Variants in SHQ1 observed in about 807,000 individuals in gnomAD.
SHQ1 encodes protein SHQ1 homolog.
Under a neutral mutation model 53.8 loss-of-function variants are expected in SHQ1, and 49 were observed. That is an observed-to-expected ratio of 0.91 (90% CI 0.72 to 1.16). SHQ1 has a LOEUF of 1.16. Among genes scored for constraint, SHQ1 ranks in the 50% most tolerant of loss-of-function variants. SHQ1 has a pLI of 0.00. For missense variants in SHQ1, 738 were observed against 683.1 expected, an observed-to-expected ratio of 1.08 and a Z score of -0.90; for synonymous variants, 243 against 251.0, an observed-to-expected ratio of 0.97 and a Z score of 0.30.
intron 6 of SHQ1, among the ~76,000 whole-genome samples, chr3:72,821,925 A>G (rs866595209): frequency 6.6e-6 from 1 of 152,238 alleles, no homozygotes; most frequent in Non-Finnish European, 1.5e-5. Context: ...GTTAACAAGG[A>G]ACTTTCCCTT....
chr3:72,766,780 C>T (rs1465353439), intron 10 of SHQ1, among the ~76,000 whole-genome samples: 1 of 152,066 alleles, frequency 6.6e-6, no homozygotes, highest in Non-Finnish European at 1.5e-5. Context: ...CTTCATGAGC[C>T]ATTTTATTGA....
chr3:72,840,912 G>C (rs1708160735), intron 4 of SHQ1, 133 bp downstream of exon 4: 1 of 1,028,746 alleles, frequency 9.7e-7, no homozygotes, highest in Admixed American at 2.6e-5. Context: ...TACTTTAGCT[G>C]TGCTAAGTGC....
chr3:72,796,259 C>T (rs115715817), intron 9 of SHQ1, among the ~76,000 whole-genome samples: 1,876 of 152,058 alleles, frequency 0.012, 13 homozygotes, highest in Non-Finnish European at 0.02. Context: ...GAGAAGAATG[C>T]ACTTGGACAG....
At chr3:72,845,189 A>G (rs1243799645) in intron 1 of SHQ1, among the ~76,000 whole-genome samples, 1 of 152,216 alleles carries the variant, frequency 6.6e-6, no homozygotes, top group Non-Finnish European at 1.5e-5. Context: ...GTACTAAAAG[A>G]AATGAAGTGA....
chr3:72,834,906 C>T (rs563728236), intron 4 of SHQ1, among the ~76,000 whole-genome samples: 1 of 152,230 alleles, frequency 6.6e-6, no homozygotes, highest in African/African-American at 2.4e-5. Flanking sequence ...TTTGCACAAA[C>T]TTGGGCTTAA....
chr3:72,762,742 T>C (rs1705638549), intron 10 of SHQ1, among the ~76,000 whole-genome samples: 1 of 152,150 alleles, frequency 6.6e-6, no homozygotes, highest in Non-Finnish European at 1.5e-5. Context: ...TGGCGTAATC[T>C]TGGCTCACTG....
At chr3:72,827,721 T>G (rs1185122609) in intron 5 of SHQ1, among the ~76,000 whole-genome samples, 1 of 151,978 alleles carries the variant, frequency 6.6e-6, no homozygotes, top group Non-Finnish European at 1.5e-5. Context: ...TTTGTCTGTT[T>G]TTTCATCTGA....
chr3:72,782,807 A>G (rs572503915), intron 10 of SHQ1, among the ~76,000 whole-genome samples: 35 of 152,368 alleles, frequency 2.3e-4, no homozygotes, highest in Non-Finnish European at 4.3e-4. Context: ...CCTTAAACAG[A>G]GCACTTTCTA....
intron 10 of SHQ1, among the ~76,000 whole-genome samples, chr3:72,788,052 C>T (rs1039207710): frequency 6.6e-6 from 1 of 152,204 alleles, no homozygotes; most frequent in African/African-American, 2.4e-5. Flanking sequence ...GTGGCGTGAT[C>T]TCGGCTCGCT....
intron 6 of SHQ1, among the ~76,000 whole-genome samples, chr3:72,818,988 C>A (rs143305914): frequency 1.5e-3 from 231 of 152,304 alleles, no homozygotes; most frequent in African/African-American, 5.4e-3. Flanking sequence ...CCTCCAACAT[C>A]TGTTTTTTAA....
At chr3:72,730,727 A>G in the SHQ1 span, among the ~76,000 whole-genome samples, 1 of 152,214 alleles carries the variant, frequency 6.6e-6, no homozygotes, top group Non-Finnish European at 1.5e-5. Context: ...AAGACACTTC[A>G]TGACCAGCAG....
At chr3:72,763,821 C>T (rs1705661048) in intron 10 of SHQ1, among the ~76,000 whole-genome samples, 1 of 152,076 alleles carries the variant, frequency 6.6e-6, no homozygotes, top group Non-Finnish European at 1.5e-5. Flanking sequence ...CCAAATGACA[C>T]CTTGATTTTG....
chr3:72,784,564 A>G (rs561331714), intron 10 of SHQ1, among the ~76,000 whole-genome samples: 2 of 152,364 alleles, frequency 1.3e-5, no homozygotes, highest in Admixed American at 6.5e-5. Flanking sequence ...CAGTAAAACT[A>G]AAGAGCAACT....
chr3:72,841,269 G>C, intron 3 of SHQ1, 70 bp from the exon 4 acceptor site: 7 of 1,227,770 alleles, frequency 5.7e-6, no homozygotes, highest in Non-Finnish European at 7.8e-6. Context: ...AAAAAGTATA[G>C]GAAAAAATGC....
intron 9 of SHQ1, chr3:72,795,357 G>A (rs1169337213): frequency 2.0e-5 from 3 of 152,186 alleles, no homozygotes; most frequent in Non-Finnish European, 4.4e-5. Flanking sequence ...AATGATTAGT[G>A]TGGATCACCC....
chr3:72,842,298 G>T lies in SHQ1; in HGVS notation c.313C>A (p.Pro105Thr), dbSNP rs756027998. 13 of 1,613,260 alleles carry T rather than the reference G, an allele frequency of 8.1e-6. No homozygotes were observed. The South Asian group carries it at 1.4e-4, about 18-fold the overall frequency. ...AACATACCTATTTCTTCCACAAGTG[G>T]TTTTGCTGTCCTGGATTTTCTTGGT... Reference protein sequence around the residue: ...LAPRKSRTAKPLVEEIGASEI... With the variant: ...LAPRKSRTAKTLVEEIGASEI... Residue 105 changes from proline to threonine, a missense_variant, in exon 3 of 11, where the codon CCA becomes ACA. Coordinates refer to ENST00000325599, the MANE Select transcript of SHQ1 (RefSeq NM_018130.3).
chr3:72,833,091 T>C (rs79132196), intron 4 of SHQ1, among the ~76,000 whole-genome samples: 1,696 of 152,206 alleles, frequency 0.011, 37 homozygotes, highest in African/African-American at 0.038. Flanking sequence ...TTGAGTGCCA[T>C]GTTTGTGCTC....
intron 10 of SHQ1, among the ~76,000 whole-genome samples, chr3:72,781,705 G>A (rs963187376): frequency 1.2e-4 from 18 of 152,012 alleles, no homozygotes; most frequent in African/African-American, 3.9e-4. Flanking sequence ...GAAAAAAGGT[G>A]TATGACTCTC....
At chr3:72,834,816 T>G (rs781767101) in intron 4 of SHQ1, among the ~76,000 whole-genome samples, 12 of 152,226 alleles carry the variant, frequency 7.9e-5, no homozygotes, top group Non-Finnish European at 1.5e-4. Flanking sequence ...GAACCTCAGC[T>G]TTCTTACTGT....
Sources: gnomAD v4.1 joint callset for allele counts (sites outside exome capture counted in the v4.1 genomes callset) on GRCh38, gnomAD v4.1.1 for gene constraint, MANE v1.5 for transcripts, NCBI Gene and HGNC (gene_info 2026-07-23, HGNC 2026-07-21) for gene names.